RNF24: variants seen among roughly 807,000 people sequenced by gnomAD.
RNF24 encodes ring finger protein 24.
A neutral mutation model predicts 20.0 loss-of-function variants in RNF24; 14 were observed. The observed-to-expected ratio is 0.70, with a 90% CI of 0.46 to 1.10. The LOEUF (loss-of-function observed/expected upper bound fraction) is 1.10, where lower values mean the gene tolerates loss of function less well. Among genes scored for constraint, RNF24 ranks in the 50% least tolerant of loss-of-function variants. RNF24 has a pLI of 0.00. For synonymous variants in RNF24, 45 were observed against 61.1 expected, an observed-to-expected ratio of 0.74 and a Z score of 1.23; for missense variants, 124 against 177.6, an observed-to-expected ratio of 0.70 and a Z score of 1.71.
intron 3 of RNF24, among the ~76,000 whole-genome samples, chr20:3,945,834 A>G (rs906223931): frequency 1.3e-5 from 2 of 152,048 alleles, no homozygotes; most frequent in African/African-American, 2.4e-5. Flanking sequence ...TTAAGAAAAA[A>G]CTCTGAGACT....
At chr20:4,001,197 G>A (rs2147064449) in intron 1 of RNF24, among the ~76,000 whole-genome samples, 1 of 152,206 alleles carries the variant, frequency 6.6e-6, no homozygotes, top group South Asian at 2.1e-4. Context: ...AACCCGGGAG[G>A]CAGAGGTTGC....
chr20:4,009,761 T>G (rs898578922), intron 1 of RNF24, among the ~76,000 whole-genome samples: 16 of 152,164 alleles, frequency 1.1e-4, no homozygotes, highest in African/African-American at 3.4e-4. Context: ...TCTGAAGTTC[T>G]CTTGTAATAT....
intron 4 of RNF24, among the ~76,000 whole-genome samples, chr20:3,944,124 C>T (rs1012196427): frequency 3.3e-5 from 5 of 150,610 alleles, no homozygotes; most frequent in Non-Finnish European, 5.9e-5. Context: ...GCAGGAGAAT[C>T]GCTTGAGCCC....
At chr20:3,963,835 T>C (rs746675607) in intron 2 of RNF24, 40 bp downstream of exon 2, 1 of 1,459,182 alleles carries the variant, frequency 6.9e-7, no homozygotes, top group Non-Finnish European at 9.3e-7. Context: ...TATTGATTAT[T>C]TAACATATTT....
chr20:3,986,998 C>G (rs567691565), intron 1 of RNF24, among the ~76,000 whole-genome samples: 1 of 152,266 alleles, frequency 6.6e-6, no homozygotes, highest in Non-Finnish European at 1.5e-5. Flanking sequence ...GCCTCAAACT[C>G]CTAGGGTCAA....
Position 3,929,583 on chromosome 20 carries a change from A to G in RNF24, c.*4480T>C, listed in dbSNP as rs1323666172. The G allele has an allele frequency of 6.6e-6, 1 of 152,360 alleles. No individual in the cohort carries two copies. The highest frequency in any genetic ancestry group is 1.5e-5 in the Non-Finnish European group (1 of 68,130). The allele number at this position is 152,360 out of a possible 1,614,324, so 9.4% of individuals were successfully genotyped here. A position where few individuals can be genotyped will look rare whatever the true frequency, so the allele number is the denominator to read the frequency against. On this transcript the variant is annotated 3_prime_UTR_variant, in exon 6 of 6. Coordinates refer to ENST00000358395, the MANE Select transcript of RNF24 (RefSeq NM_001134337.3). ...GACACAAGAGCTTGCCTAAGTGACC[A>G]CAACAGTTGCAGCCACACATCACCA... is the stretch of plus-strand genomic sequence containing the variant.
intron 3 of RNF24, among the ~76,000 whole-genome samples, chr20:3,947,198 C>CAAACAAAACA (rs556220692): frequency 0.01 from 1,545 of 152,178 alleles, 18 homozygotes; most frequent in African/African-American, 0.035. Context: ...GTCTCAAAAA[C>CAAACAAAACA]AAACAAAAAC....
rs141261888 is a variant in RNF24, at chr20:4,001,423, G to A, written c.-8+14014C>T. ...GTGAACTAAAACAATAAAATGTAGT[G>A]GGGTTATTCATCAAGTGCTTCTTAC... is the stretch of plus-strand genomic sequence containing the variant. On this transcript the variant is annotated intron_variant, in intron 1 of 5. Transcript: ENST00000358395. Among the ~76,000 whole-genome samples, 103 of 152,226 alleles carry A rather than the reference G, an allele frequency of 6.8e-4. 1 individual carries two copies. The East Asian group carries it at 0.015, about 22-fold the overall frequency.
rs1277222717 is a variant in RNF24, at chr20:3,931,782, G to A, written c.*2281C>T. 3.3e-5 allele frequency: 5 copies of A among 152,252 alleles called. No homozygotes were observed. Among genetic ancestry groups the A allele is most frequent in the Non-Finnish European group, 7.3e-5 (5 of 68,048 alleles). The allele number at this position is 152,252 out of a possible 1,614,324, so 9.4% of individuals were successfully genotyped here. A position where few individuals can be genotyped will look rare whatever the true frequency, so the allele number is the denominator to read the frequency against. On this transcript the variant is annotated 3_prime_UTR_variant, in exon 6 of 6. Coordinates refer to ENST00000358395, the MANE Select transcript of RNF24 (RefSeq NM_001134337.3). ...ATCTGGGCAAAGCAGACCCAAGGTG[G>A]TGCTGAGTGCAGAGTGCAGAGCATT...
intron 4 of RNF24, among the ~76,000 whole-genome samples, chr20:3,936,955 G>A (rs1340979797): frequency 2.0e-5 from 3 of 152,112 alleles, no homozygotes; most frequent in Non-Finnish European, 2.9e-5. Context: ...TCCTGCCTCA[G>A]ACTCCCGAAT....
intron 1 of RNF24, among the ~76,000 whole-genome samples, chr20:4,012,207 G>A (rs1196412230): frequency 6.6e-6 from 1 of 152,110 alleles, no homozygotes; most frequent in African/African-American, 2.4e-5. Context: ...GAGGCCAGGA[G>A]CTCAAGACCA....
intron 1 of RNF24, among the ~76,000 whole-genome samples, chr20:4,002,405 A>AAAAAC (rs543007546): frequency 6.6e-6 from 1 of 152,140 alleles, no homozygotes; most frequent in Non-Finnish European, 1.5e-5. Context: ...CAAAAAACAA[A>AAAAAC]AAAACAAAAC....
At chr20:3,965,605 G>A (rs900262408) in intron 1 of RNF24, among the ~76,000 whole-genome samples, 1 of 152,122 alleles carries the variant, frequency 6.6e-6, no homozygotes, top group African/African-American at 2.4e-5. Context: ...ATCTTCTTAC[G>A]AAGGGAAGGA....
Position 4,013,131 on chromosome 20 carries a change from T to C in RNF24, c.-8+2306A>G, listed in dbSNP as rs117721041. Among the ~76,000 whole-genome samples the C allele has an allele frequency of 6.0e-3, 915 of 152,238 alleles. 4 individuals are homozygous for C. Among genetic ancestry groups the C allele is most frequent in the Non-Finnish European group, 9.5e-3 (649 of 68,002 alleles). On this transcript the variant is annotated intron_variant, in intron 1 of 5. Coordinates refer to ENST00000358395, the MANE Select transcript of RNF24 (RefSeq NM_001134337.3). The stretch of plus-strand genomic sequence containing the variant: ...TGCATTAAAACCAAAACATCCCCAA[T>C]TGAAAAATCAACTTTCATTAATTTT...
chr20:4,007,671 C>T (rs913681784), intron 1 of RNF24, among the ~76,000 whole-genome samples: 1 of 142,370 alleles, frequency 7.0e-6, no homozygotes, highest in South Asian at 2.2e-4. Context: ...TTGGGAGGTG[C>T]TGGTAGGGTC....
chr20:4,010,661 T>C (rs1245300447), intron 1 of RNF24, among the ~76,000 whole-genome samples: 1 of 152,250 alleles, frequency 6.6e-6, no homozygotes, highest in African/African-American at 2.4e-5. Context: ...CTCTCTGATG[T>C]CAATTGATAT....
At chr20:3,973,500 C>CAAAAAAAAAAAAAAAA (rs56824542) in intron 1 of RNF24, among the ~76,000 whole-genome samples, 11 of 101,108 alleles carry the variant, frequency 1.1e-4, no homozygotes, top group Admixed American at 2.4e-4. Flanking sequence ...GGAAGAATGA[C>CAAAAAAAAAAAAAAAA]AAAAAAAAAA....
intron 4 of RNF24, among the ~76,000 whole-genome samples, chr20:3,936,917 A>T (rs908320038): frequency 6.6e-6 from 1 of 152,006 alleles, no homozygotes; most frequent in African/African-American, 2.4e-5. Context: ...GCTCACCGCA[A>T]CCTCCGCCTC....
chr20:3,974,367 C>G, intron 1 of RNF24: 3 of 1,550,224 alleles, frequency 1.9e-6, no homozygotes, highest in South Asian at 1.2e-5. Flanking sequence ...GATATCTGCT[C>G]TCACCACTCT....
Sources: gnomAD v4.1 joint callset for allele counts (sites outside exome capture counted in the v4.1 genomes callset) on GRCh38, gnomAD v4.1.1 for gene constraint, MANE v1.5 for transcripts, NCBI Gene and HGNC (gene_info 2026-07-23, HGNC 2026-07-21) for gene names.